Variants in ATP6V0A2 observed in about 807,000 individuals in gnomAD.
ATP6V0A2 encodes ATPase H+ transporting V0 subunit a2.
Under a neutral mutation model 104.4 loss-of-function variants are expected in ATP6V0A2, and 58 were observed. The ratio of observed to expected loss-of-function variants is 0.56; its 90% CI spans 0.45 to 0.69. ATP6V0A2 has a LOEUF of 0.69. Ranked by LOEUF, ATP6V0A2 falls within the 30% of genes least tolerant of loss-of-function variation. The probability of loss-of-function intolerance (pLI) is 0.00; values close to 1 mark genes in which losing one functional copy is unlikely to be tolerated. For synonymous variants in ATP6V0A2, 376 were observed against 397.9 expected (o/e 0.95, Z 0.65); for missense variants, 938 against 1,062.9 (o/e 0.88, Z 1.63).
At chr12:123,733,391 C>G (rs75169199) in intron 6 of ATP6V0A2, 1 of 152,040 alleles carries the variant, frequency 6.6e-6, no homozygotes, top group South Asian at 2.1e-4. Context: ...AGGGGAAGTA[C>G]GGGAGTTGAG....
chr12:123,741,832 G>A (rs1360953485), intron 9 of ATP6V0A2, among the ~76,000 whole-genome samples: 2 of 152,126 alleles, frequency 1.3e-5, no homozygotes, highest in Admixed American at 1.3e-4. Flanking sequence ...TAGTTTTCTG[G>A]CAGATGTTTA....
At chr12:123,713,056 G>T (rs188232796) in intron 1 of ATP6V0A2, among the ~76,000 whole-genome samples, 1 of 152,276 alleles carries the variant, frequency 6.6e-6, no homozygotes, top group African/African-American at 2.4e-5. Context: ...AACCAGAAAA[G>T]GTTTGCCATA....
At chr12:123,750,189 G>A (rs1956701298) in intron 15 of ATP6V0A2, 1 of 152,224 alleles carries the variant, frequency 6.6e-6, no homozygotes, top group African/African-American at 2.4e-5. Flanking sequence ...ATACCTGAGA[G>A]TGTGCTTTCC....
chr12:123,729,265 T>G (rs1181880641), intron 6 of ATP6V0A2, among the ~76,000 whole-genome samples: 1 of 150,662 alleles, frequency 6.6e-6, no homozygotes, highest in Non-Finnish European at 1.5e-5. Context: ...GATGTCCAGA[T>G]GCATGTTGCA....
chr12:123,761,308 G>A lies in ATP6V0A2; in HGVS notation c.*3276G>A, dbSNP rs1429621140. ...GACGTTTTAGAGCCTGATACATTTT[G>A]GAAAAGAAAAACAACTTCTACACCT... is the stretch of plus-strand genomic sequence containing the variant. On this transcript the variant is annotated 3_prime_UTR_variant, in exon 20 of 20. Transcript: ENST00000330342. 1 of 152,134 alleles carries A rather than the reference G, an allele frequency of 6.6e-6. No individual in the cohort carries two copies. The highest frequency in any genetic ancestry group is 2.4e-5 in the African/African-American group (1 of 41,424). 9.4% of individuals were successfully genotyped at this position (152,134 alleles called of 1,614,324 possible).
At chr12:123,739,006 T>C (rs567483673) in intron 9 of ATP6V0A2, 13 of 152,386 alleles carry the variant, frequency 8.5e-5, no homozygotes, top group African/African-American at 2.9e-4. Flanking sequence ...GATTCTTCTT[T>C]TACTGAGGTG....
intron 1 of ATP6V0A2, among the ~76,000 whole-genome samples, chr12:123,718,190 A>C (rs2135878958): frequency 6.6e-6 from 1 of 151,834 alleles, no homozygotes; most frequent in African/African-American, 2.4e-5. Context: ...TCCTGGGTTC[A>C]AGCAATTTTT....
intron 9 of ATP6V0A2, among the ~76,000 whole-genome samples, chr12:123,740,960 T>C (rs557202618): frequency 6.6e-6 from 1 of 152,294 alleles, no homozygotes; most frequent in Admixed American, 6.5e-5. Flanking sequence ...ATTTTTTTTT[T>C]AATTCTTTTA....
chr12:123,738,657 C>T (rs1054696344), intron 9 of ATP6V0A2, among the ~76,000 whole-genome samples: 1 of 152,094 alleles, frequency 6.6e-6, no homozygotes, highest in Non-Finnish European at 1.5e-5. Flanking sequence ...TTTGCTCTTA[C>T]ACCTTCCAGA....
In ATP6V0A2 at chr12:123,737,089, C is replaced by G. The variant is rs759906846; in HGVS notation, c.856C>G (p.Gln286Glu). ...VLHKTEDYLR[Q>E]VLCKAAESVY... ...GCACAAAACCGAGGACTATTTGAGG[C>G]AAGTGCTATGTAAAGCCGCCGAGTC... The change falls in exon 9 of 20, where the codon CAA becomes GAA. Residue 286 changes from glutamine to glutamate, a missense_variant. Physicochemically the swap from Gln to Glu is conservative, Grantham distance 29. Coordinates refer to ENST00000330342, the MANE Select transcript of ATP6V0A2 (RefSeq NM_012463.4). The G allele has an allele frequency of 6.2e-7, 1 of 1,614,230 alleles. No individual in the cohort carries two copies. Among genetic ancestry groups the G allele is most frequent in the Admixed American group, 1.7e-5 (1 of 60,018 alleles).
At chr12:123,735,186 G>T (rs1956540305) in intron 7 of ATP6V0A2, among the ~76,000 whole-genome samples, 1 of 150,730 alleles carries the variant, frequency 6.6e-6, no homozygotes, top group East Asian at 1.9e-4. Flanking sequence ...TCTGTTGTGT[G>T]TCTGTGTGTG....
rs949870514 is a variant in ATP6V0A2, at chr12:123,718,972, C to T, written c.196+271C>T. 1.8e-4 allele frequency among the ~76,000 whole-genome samples: 27 copies of T among 152,246 alleles called. No individual in the cohort carries two copies. The South Asian group carries it at 2.9e-3, about 16-fold the overall frequency. On this transcript the variant is annotated intron_variant, in intron 2 of 19. Coordinates refer to ENST00000330342, the MANE Select transcript of ATP6V0A2 (RefSeq NM_012463.4). Reference sequence around the variant, plus strand: ...AACAGTGCTTACTATAACATCTTTTCGTGTCAGTAGACATAGATATTTACC... The same window carrying T: ...AACAGTGCTTACTATAACATCTTTTTGTGTCAGTAGACATAGATATTTACC...
At chr12:123,750,203 C>T (rs973594318) in intron 15 of ATP6V0A2, 1 of 152,188 alleles carries the variant, frequency 6.6e-6, no homozygotes, top group African/African-American at 2.4e-5. Flanking sequence ...GCTTTCCTTA[C>T]TTAGTGTTTC....
intron 19 of ATP6V0A2, among the ~76,000 whole-genome samples, chr12:123,757,721 G>T (rs1376382356): frequency 6.6e-6 from 1 of 152,192 alleles, no homozygotes; most frequent in Non-Finnish European, 1.5e-5. Flanking sequence ...CAGCGGATGT[G>T]TCAGAGTTTC....
At chr12:123,757,090 G>T in intron 19 of ATP6V0A2, 104 bp downstream of exon 19, 2 of 1,248,420 alleles carry the variant, frequency 1.6e-6, no homozygotes, top group Non-Finnish European at 2.3e-6. Context: ...ATCTAATGCT[G>T]AATTTAGGCC....
chr12:123,756,784 C>T, intron 18 of ATP6V0A2, 31 bp from the exon 19 acceptor site: 1 of 1,612,478 alleles, frequency 6.2e-7, no homozygotes, highest in Non-Finnish European at 8.5e-7. Context: ...CATAAGCGAG[C>T]ATGACCTGTG....
intron 9 of ATP6V0A2, among the ~76,000 whole-genome samples, chr12:123,739,619 T>C (rs769149712): frequency 6.6e-6 from 1 of 152,224 alleles, no homozygotes; most frequent in Non-Finnish European, 1.5e-5. Context: ...CTTGGCTGCC[T>C]GAAGCTCTCT....
intron 1 of ATP6V0A2, among the ~76,000 whole-genome samples, chr12:123,715,725 C>G (rs947306647): frequency 3.3e-5 from 5 of 152,192 alleles, no homozygotes; most frequent in African/African-American, 1.2e-4. Flanking sequence ...TAGAAATTAA[C>G]TTTAACTTTT....
chr12:123,717,905 C>G (rs535348995), intron 1 of ATP6V0A2, among the ~76,000 whole-genome samples: 1 of 151,926 alleles, frequency 6.6e-6, no homozygotes, highest in South Asian at 2.1e-4. Context: ...TGGGGTATTG[C>G]TGGGCAAATA....
Sources: allele counts gnomAD v4.1 joint callset (sites outside exome capture counted in the v4.1 genomes callset), GRCh38; gene constraint gnomAD v4.1.1; transcripts MANE v1.5; gene names NCBI Gene and HGNC (gene_info 2026-07-23, HGNC 2026-07-21).